PHACTR2: variants seen among roughly 807,000 people sequenced by gnomAD.
PHACTR2 encodes the protein chromosome 6 open reading frame 56.
PHACTR2 carries 30 observed loss-of-function variants against 76.0 expected under a neutral mutation model. The observed-to-expected ratio is 0.39, with a 90% confidence interval of 0.30 to 0.54. The LOEUF (loss-of-function observed/expected upper bound fraction) is 0.54, where lower values mean the gene tolerates loss of function less well. Among genes scored for constraint, PHACTR2 ranks in the 20% least tolerant of loss-of-function variants. The pLI is 0.61. For synonymous variants in PHACTR2, 292 were observed against 292.5 expected (o/e 1.00, Z 0.02); for missense variants, 696 against 781.1 (o/e 0.89, Z 1.30).
At position 143,625,450 on chromosome 6, in the gene PHACTR2, A is replaced by G. The variant is rs1776239921; in HGVS notation, c.13+17128A>G. The stretch of plus-strand genomic sequence containing the variant: ...AAATATTATTTATAACTTAAGCCAC[A>G]TACCGTGAAAATAAACTACTCACAA... On this transcript the variant is annotated intron_variant, in intron 1 of 11. Transcript: ENST00000305766. The surrounding 1 kb of genome is among the most constrained non-coding windows in gnomAD (Gnocchi z 4.3). 6.6e-6 allele frequency among the ~76,000 whole-genome samples: 1 copy of G among 152,178 alleles called. No homozygotes were observed. The highest frequency in any genetic ancestry group is 1.5e-5 in the Non-Finnish European group (1 of 68,022).
upstream of PHACTR2, among the ~76,000 whole-genome samples, chr6:143,673,733 A>T (rs1777194850): frequency 6.6e-6 from 1 of 151,516 alleles, no homozygotes; most frequent in Non-Finnish European, 1.5e-5. Context: ...CCACCCCTTG[A>T]GGTCTTTATT....
intron 1 of PHACTR2, among the ~76,000 whole-genome samples, chr6:143,670,515 A>G (rs1777134786): frequency 1.3e-5 from 2 of 152,002 alleles, no homozygotes; most frequent in Non-Finnish European, 1.5e-5. Context: ...ACATAGTCCT[A>G]TATTTCTTGG....
rs1035555852 is a variant in PHACTR2, at chr6:143,711,782, C to G, written c.47-234C>G. 1.9e-5 allele frequency: 13 copies of G among 698,218 alleles called. No homozygotes were observed. In the African/African-American group the frequency reaches 2.1e-4, roughly 11 times the overall value. The allele number at this position is 698,218 out of a possible 1,614,324, so 43.3% of individuals were successfully genotyped here. On this transcript the variant is annotated intron_variant, in intron 1 of 12. Transcript: ENST00000440869. ...GTCTGGCCCCATCTATAATGTAAGT[C>G]TCTTGCTTCTAGTCTGTTTCCCCAG... is the stretch of plus-strand genomic sequence containing the variant.
chr6:143,706,672 C>T lies in PHACTR2; in HGVS notation c.47-5344C>T, dbSNP rs576345940. 7.5e-4 allele frequency among the ~76,000 whole-genome samples: 114 copies of T among 152,328 alleles called. 1 individual carries two copies. The Middle Eastern group carries it at 0.01, about 14-fold the overall frequency. ...ACATTTTGATTCTTCTGTTCATTTT[C>T]TCTTCTCCATTTGCCATTTATCTTA... On this transcript the variant is annotated intron_variant, in intron 1 of 12. Transcript: ENST00000440869.
At position 143,580,201 on chromosome 6, in the gene PHACTR2, T is replaced by C. The variant is rs527833349; in HGVS notation, c.217+42994T>C. Among the ~76,000 whole-genome samples, 3 of 152,238 alleles carry C rather than the reference T, an allele frequency of 2.0e-5. No individual in the cohort carries two copies. Among genetic ancestry groups the C allele is most frequent in the African/African-American group, 7.2e-5 (3 of 41,546 alleles). ...CCATCCCTTTAGAAGGGAGTCAACT[T>C]GGGGCCGGGCGCAGTGGCTCACTCC... On this transcript the variant is annotated intron_variant, in intron 1 of 11. Coordinates refer to the PHACTR2 transcript ENST00000367584. This position sits in a 1 kb window ranked among gnomAD's most constrained non-coding sequence, Gnocchi z 4.2.
rs115245679 is a variant in PHACTR2 at position 143,689,512 on chromosome 6, A to G, written c.46+11303A>G. Among the ~76,000 whole-genome samples the G allele has an allele frequency of 0.011, 1,740 of 152,274 alleles. 40 individuals carry two copies. The highest frequency in any genetic ancestry group is 0.039 in the African/African-American group (1,635 of 41,544). ...GATTCTTTAATTCTCCAGTCTCTAA[A>G]TAGCATGCTCTTTGCTACCTATTGA... On this transcript the variant is annotated intron_variant, in intron 1 of 12. Coordinates refer to ENST00000440869, the MANE Select transcript of PHACTR2 (RefSeq NM_001100164.2). The surrounding 1 kb of genome is among the most constrained non-coding windows in gnomAD (Gnocchi z 4.4).
rs12209666 is a variant in PHACTR2, at chr6:143,547,546, G to A, written c.217+10339G>A. Among the ~76,000 whole-genome samples the A allele has an allele frequency of 0.027, 4,057 of 152,256 alleles. 107 individuals are homozygous for A. The highest frequency in any genetic ancestry group is 0.035 in the Non-Finnish European group (2,372 of 68,022). Reference sequence around the variant, plus strand: ...TGACTGTGAGATCTAGAAAGTAAAGGAGCTTTGAAACAGCCACTGTGACAT... The same window carrying A: ...TGACTGTGAGATCTAGAAAGTAAAGAAGCTTTGAAACAGCCACTGTGACAT... On this transcript the variant is annotated intron_variant, in intron 1 of 11. Coordinates refer to the PHACTR2 transcript ENST00000367584. This position sits in a 1 kb window ranked among gnomAD's most constrained non-coding sequence, Gnocchi z 4.2.
At position 143,631,549 on chromosome 6, in the gene PHACTR2, C is replaced by T. The variant is rs759691151; in HGVS notation, c.13+23227C>T. Reference sequence around the variant, plus strand: ...TCCATCTGCAGAGCTTGTGTGCTTCCGTGCCTATGGTACACCCAGTTACTT... The same window carrying T: ...TCCATCTGCAGAGCTTGTGTGCTTCTGTGCCTATGGTACACCCAGTTACTT... On this transcript the variant is annotated intron_variant, in intron 1 of 11. Transcript: ENST00000305766. Among the ~76,000 whole-genome samples the T allele has an allele frequency of 2.9e-4, 44 of 152,090 alleles. 2 individuals carry two copies. Among genetic ancestry groups the T allele is most frequent in the African/African-American group, 1.7e-4 (7 of 41,410 alleles).
intron 1 of PHACTR2, among the ~76,000 whole-genome samples, chr6:143,711,362 A>C (rs1778173504): frequency 6.6e-6 from 1 of 152,238 alleles, no homozygotes. Context: ...AAGCAAGGCA[A>C]CTTAAGATTT....
chr6:143,575,886 A>G (rs1222964016), intron 1 of PHACTR2, among the ~76,000 whole-genome samples: 1 of 23,246 alleles, frequency 4.3e-5, no homozygotes, highest in Admixed American at 3.0e-4. Flanking sequence ...TTCAATTTAG[A>G]AAAAAAAAGT....
In PHACTR2 at chr6:143,648,371, A is replaced by C. The variant is rs947475255; in HGVS notation, c.13+40049A>C. 6.6e-6 allele frequency among the ~76,000 whole-genome samples: 1 copy of C among 152,160 alleles called. No individual in the cohort carries two copies. Among genetic ancestry groups the C allele is most frequent in the Admixed American group, 6.5e-5 (1 of 15,270 alleles). ...TTACTAAGCGTTCATCATAGTTCTA[A>C]ATAGATTCCTCAAAAGAATTAAATT... On this transcript the variant is annotated intron_variant, in intron 1 of 11. Coordinates refer to the PHACTR2 transcript ENST00000305766. The surrounding 1 kb of genome is among the most constrained non-coding windows in gnomAD (Gnocchi z 6.7).
chr6:143,786,859 TG>T (rs893456693), intron 10 of PHACTR2, among the ~76,000 whole-genome samples: 5 of 152,228 alleles, frequency 3.3e-5, no homozygotes, highest in Admixed American at 1.3e-4. Context: ...GTGGGAATTC[TG>T]GAGATACAAT....
At chr6:143,540,413 C>G (rs1165295118) in intron 1 of PHACTR2, among the ~76,000 whole-genome samples, 1 of 152,190 alleles carries the variant, frequency 6.6e-6, no homozygotes, top group East Asian at 1.9e-4. Context: ...CACAGCTCCA[C>G]CTCCATCCTT....
chr6:143,685,688 G>GAAAA (rs145706092), intron 1 of PHACTR2, among the ~76,000 whole-genome samples: 5 of 78,318 alleles, frequency 6.4e-5, no homozygotes, highest in African/African-American at 1.9e-4. Context: ...GCAATTAAAT[G>GAAAA]AAAAAAAAAA....
intron 1 of PHACTR2, among the ~76,000 whole-genome samples, chr6:143,706,631 C>A (rs1053133738): frequency 6.6e-6 from 1 of 152,198 alleles, no homozygotes; most frequent in Non-Finnish European, 1.5e-5. Context: ...TTAACCTGCA[C>A]CCCGTGTGAT....
Position 143,825,853 on chromosome 6 carries a change from C to A in PHACTR2, c.*2164C>A, listed in dbSNP as rs1776520134. On this transcript the variant is annotated 3_prime_UTR_variant, in exon 13 of 13. Coordinates refer to ENST00000440869, the MANE Select transcript of PHACTR2 (RefSeq NM_001100164.2). This position sits in a 1 kb window ranked among gnomAD's most constrained non-coding sequence, Gnocchi z 4.1. ...GTTTCTATTTGGTTGATAAAAGGAACAATTTTTTCCCACTTTTGATGCCTG... is the reference window on the plus strand; with the variant it reads ...GTTTCTATTTGGTTGATAAAAGGAAAAATTTTTTCCCACTTTTGATGCCTG... 1 of 152,056 alleles carries A rather than the reference C, an allele frequency of 6.6e-6. No individual in the cohort carries two copies. The highest frequency in any genetic ancestry group is 6.5e-5 in the Admixed American group (1 of 15,268). The allele number at this position is 152,056 out of a possible 1,614,324, so 9.4% of individuals were successfully genotyped here.
In PHACTR2 at chr6:143,689,311, A is replaced by G. The variant is rs1777588506; in HGVS notation, c.46+11102A>G. On this transcript the variant is annotated intron_variant, in intron 1 of 12. Transcript: ENST00000440869. This position sits in a 1 kb window ranked among gnomAD's most constrained non-coding sequence, Gnocchi z 4.4. Reference sequence around the variant, plus strand: ...TAGAACATAAGCTCCATGATCTAAAAGACGTTATCTGTCTTGTTCACCAAT... The same window carrying G: ...TAGAACATAAGCTCCATGATCTAAAGGACGTTATCTGTCTTGTTCACCAAT... Among the ~76,000 whole-genome samples the G allele has an allele frequency of 6.6e-6, 1 of 152,218 alleles. No homozygotes were observed. The highest frequency in any genetic ancestry group is 2.4e-5 in the African/African-American group (1 of 41,450).
In PHACTR2 at chr6:143,807,382, A is replaced by C. The variant is rs528971745; in HGVS notation, c.1922+249A>C. Among the ~76,000 whole-genome samples, 3 of 152,388 alleles carry C rather than the reference A, an allele frequency of 2.0e-5. No individual in the cohort carries two copies. Among genetic ancestry groups the C allele is most frequent in the African/African-American group, 7.2e-5 (3 of 41,596 alleles). On this transcript the variant is annotated intron_variant, in intron 12 of 12. Coordinates refer to ENST00000440869, the MANE Select transcript of PHACTR2 (RefSeq NM_001100164.2). This position sits in a 1 kb window ranked among gnomAD's most constrained non-coding sequence, Gnocchi z 5.5. The stretch of plus-strand genomic sequence containing the variant: ...GACAGTTTTAAAGATATGACTAGAT[A>C]AGATTGTAAATTTCTAGAATTTCAT...
rs1354574061 is a variant in PHACTR2 at position 143,829,459 on chromosome 6, A to G, written c.*5770A>G. 1 of 152,174 alleles carries G rather than the reference A, an allele frequency of 6.6e-6. No individual in the cohort carries two copies. The highest frequency in any genetic ancestry group is 1.5e-5 in the Non-Finnish European group (1 of 68,028). 9.4% of individuals were successfully genotyped at this position (152,174 alleles called of 1,614,324 possible). A position where few individuals can be genotyped will look rare whatever the true frequency, so the allele number is the denominator to read the frequency against. On this transcript the variant is annotated 3_prime_UTR_variant, in exon 13 of 13. Transcript: ENST00000440869. ...ACAAATGCTTGAATTTCCCCTGTAT[A>G]AATGTAGTCATGCGATTCAACTTTT...
Sources: gnomAD v4.1 joint callset for allele counts (sites outside exome capture counted in the v4.1 genomes callset) on GRCh38, gnomAD v4.1.1 for gene constraint, Gnocchi (gnomAD v3.1) non-coding constraint, MANE v1.5 for transcripts, NCBI Gene and HGNC (gene_info 2026-07-23, HGNC 2026-07-21) for gene names.